The following RPS6KC1 variants were observed in gnomAD, a reference collection of about 807,000 sequenced individuals.
RPS6KC1 encodes the protein ribosomal protein S6 kinase C1.
RPS6KC1 carries 54 observed loss-of-function variants against 103.8 expected under a neutral mutation model. The ratio of observed to expected loss-of-function variants is 0.52; its 90% confidence interval spans 0.42 to 0.65. The LOEUF is 0.65. Ranked by LOEUF, RPS6KC1 falls within the 30% of genes least tolerant of loss-of-function variation. The pLI, the probability that RPS6KC1 is intolerant of heterozygous loss-of-function variation, is 0.00. For missense variants in RPS6KC1, 1,151 were observed against 1,253.8 expected (o/e 0.92, Z 1.24); for synonymous variants, 439 against 438.7 (o/e 1.00, Z -0.01).
chr1:213,494,799 A>G, the RPS6KC1 span, among the ~76,000 whole-genome samples: 1 of 152,064 alleles, frequency 6.6e-6, no homozygotes, highest in Non-Finnish European at 1.5e-5. Flanking sequence ...AAGAACTGAA[A>G]TCTACAAGAG....
At chr1:213,168,615 A>C (rs2091201910) in intron 7 of RPS6KC1, among the ~76,000 whole-genome samples, 2 of 151,772 alleles carry the variant, frequency 1.3e-5, no homozygotes, top group South Asian at 2.1e-4. Flanking sequence ...GAAAGGGTTT[A>C]GTTTCTTTTC....
chr1:213,554,372 G>A, the RPS6KC1 span, among the ~76,000 whole-genome samples: 2 of 151,984 alleles, frequency 1.3e-5, no homozygotes, highest in African/African-American at 4.8e-5. Context: ...ATGTTCCATT[G>A]GTCTATATAT....
At chr1:213,311,639 G>C in the RPS6KC1 span, among the ~76,000 whole-genome samples, 1 of 152,102 alleles carries the variant, frequency 6.6e-6, no homozygotes, top group Non-Finnish European at 1.5e-5. Context: ...TGGGTGATGG[G>C]GGTGAACATT....
intron 3 of RPS6KC1, among the ~76,000 whole-genome samples, chr1:213,099,277 A>G (rs539156735): frequency 6.6e-6 from 1 of 152,084 alleles, no homozygotes; most frequent in East Asian, 1.9e-4. Context: ...TACGAGTACT[A>G]TTTTTTTCTT....
intron 8 of RPS6KC1, chr1:213,205,494 A>C (rs565323571): frequency 7.7e-6 from 2 of 260,758 alleles, no homozygotes; most frequent in East Asian, 3.7e-4. Context: ...AGTTACTTAT[A>C]CCACCAGATT....
intron 14 of RPS6KC1, among the ~76,000 whole-genome samples, chr1:213,266,364 A>G (rs1311146436): frequency 1.3e-5 from 2 of 152,216 alleles, no homozygotes; most frequent in Non-Finnish European, 2.9e-5. Flanking sequence ...AATTTCCTAT[A>G]TATTGGACTA....
chr1:213,125,533 G>A (rs937227760), intron 5 of RPS6KC1, among the ~76,000 whole-genome samples: 5 of 151,598 alleles, frequency 3.3e-5, no homozygotes, highest in Non-Finnish European at 5.9e-5. Flanking sequence ...ATATGCATTG[G>A]CAAATTGTCC....
chr1:213,813,325 T>A, the RPS6KC1 span, among the ~76,000 whole-genome samples: 12 of 151,764 alleles, frequency 7.9e-5, no homozygotes, highest in African/African-American at 2.9e-4. Flanking sequence ...ATTTTAATCA[T>A]CTCTCCCTTG....
At chr1:213,603,791 C>T in the RPS6KC1 span, among the ~76,000 whole-genome samples, 1 of 151,812 alleles carries the variant, frequency 6.6e-6, no homozygotes, top group Non-Finnish European at 1.5e-5. Context: ...ACCCAGGAGG[C>T]GCAGGTTGCA....
chr1:213,227,111 T>C (rs563481128), intron 8 of RPS6KC1, among the ~76,000 whole-genome samples: 1 of 152,320 alleles, frequency 6.6e-6, no homozygotes, highest in African/African-American at 2.4e-5. Flanking sequence ...ACCTACCTCT[T>C]TGGATTGTTG....
the RPS6KC1 span, among the ~76,000 whole-genome samples, chr1:213,766,940 G>T: frequency 6.6e-6 from 1 of 151,970 alleles, no homozygotes; most frequent in Non-Finnish European, 1.5e-5. Context: ...CCAGAACCCC[G>T]GTTTTTATAT....
chr1:213,073,312 G>A (rs960626732), intron 2 of RPS6KC1, among the ~76,000 whole-genome samples: 1 of 152,214 alleles, frequency 6.6e-6, no homozygotes, highest in Non-Finnish European at 1.5e-5. Flanking sequence ...TGTAGGGCTA[G>A]TAATACGCTA....
At chr1:213,795,057 G>A in the RPS6KC1 span, among the ~76,000 whole-genome samples, 1 of 152,204 alleles carries the variant, frequency 6.6e-6, no homozygotes, top group African/African-American at 2.4e-5. Flanking sequence ...GTCCTTAGTA[G>A]CTGATGTGTT....
chr1:213,154,444 C>T (rs986403584), intron 6 of RPS6KC1, among the ~76,000 whole-genome samples: 3 of 152,194 alleles, frequency 2.0e-5, no homozygotes, highest in African/African-American at 4.8e-5. Flanking sequence ...TCTTGTATTG[C>T]ACTGTTGGGG....
chr1:213,304,850 T>A, the RPS6KC1 span, among the ~76,000 whole-genome samples: 1 of 152,132 alleles, frequency 6.6e-6, no homozygotes. Flanking sequence ...AAATTTTGCG[T>A]CTTTTTATTC....
the RPS6KC1 span, among the ~76,000 whole-genome samples, chr1:213,834,148 T>C: frequency 6.6e-6 from 1 of 152,108 alleles, no homozygotes; most frequent in Non-Finnish European, 1.5e-5. Context: ...TAGGTGATCC[T>C]CCCACTTCAG....
At chr1:213,305,749 G>A in the RPS6KC1 span, among the ~76,000 whole-genome samples, 1 of 152,204 alleles carries the variant, frequency 6.6e-6, no homozygotes, top group Admixed American at 6.5e-5. Flanking sequence ...AAACTTCCCA[G>A]TAATGAGTTT....
chr1:213,169,023 T>G (rs2091248463), intron 7 of RPS6KC1, among the ~76,000 whole-genome samples: 1 of 152,114 alleles, frequency 6.6e-6, no homozygotes, highest in African/African-American at 2.4e-5. Flanking sequence ...AATGAGAATA[T>G]AGTAATTTTT....
At chr1:213,824,185 A>C in the RPS6KC1 span, among the ~76,000 whole-genome samples, 1 of 152,132 alleles carries the variant, frequency 6.6e-6, no homozygotes. Context: ...ATGTGCTTCC[A>C]CCCAAAGTAT....
Sources: gnomAD v4.1 joint callset for allele counts (sites outside exome capture counted in the v4.1 genomes callset) on GRCh38, gnomAD v4.1.1 for gene constraint, MANE v1.5 for transcripts, NCBI Gene and HGNC (gene_info 2026-07-23, HGNC 2026-07-21) for gene names.